The following TMEM242 variants were observed in gnomAD, a reference collection of about 807,000 sequenced individuals.
The protein encoded by TMEM242 is UPF0463 transmembrane protein C6orf35.
A neutral mutation model predicts 18.2 loss-of-function variants in TMEM242; 10 were observed. The ratio of observed to expected loss-of-function variants is 0.55; its 90% CI spans 0.34 to 0.93. The LOEUF (loss-of-function observed/expected upper bound fraction) is 0.93, where lower values mean the gene tolerates loss of function less well. TMEM242 is among the 40% of genes least tolerant of loss of function. TMEM242 has a pLI of 0.02. For synonymous variants in TMEM242, 57 were observed against 69.9 expected, an observed-to-expected ratio of 0.81 and a Z score of 0.92; for missense variants, 186 against 175.5, an observed-to-expected ratio of 1.06 and a Z score of -0.34.
At chr6:157,311,423 CAT>C (rs1778088228) in intron 3 of TMEM242, among the ~76,000 whole-genome samples, 1,890 of 79,384 alleles carry the variant, frequency 0.024, 4 homozygotes, top group Non-Finnish European at 0.029. Context: ...AGTGTGCACG[CAT>C]ACGGCCTCAT....
intron 3 of TMEM242, among the ~76,000 whole-genome samples, chr6:157,301,190 A>T (rs1554247513): frequency 2.0e-5 from 3 of 152,236 alleles, no homozygotes; most frequent in African/African-American, 7.2e-5. Context: ...TTTATTTAAA[A>T]GCAGTGTGCT....
At chr6:157,298,028 C>G (rs1554247267) in intron 3 of TMEM242, among the ~76,000 whole-genome samples, 1 of 152,166 alleles carries the variant, frequency 6.6e-6, no homozygotes, top group Non-Finnish European at 1.5e-5. Flanking sequence ...CTGAGAAATA[C>G]AATCCCTGAA....
chr6:157,299,356 T>C (rs1554247359), intron 3 of TMEM242: 1 of 1,015,914 alleles, frequency 9.8e-7, no homozygotes. Context: ...TATCAGTTCC[T>C]GTATCAGAGT....
At chr6:157,319,302 T>C (rs1355391076) in intron 2 of TMEM242, among the ~76,000 whole-genome samples, 1 of 152,248 alleles carries the variant, frequency 6.6e-6, no homozygotes, top group African/African-American at 2.4e-5. Flanking sequence ...TAAGTAAACT[T>C]TGCATGTGTG....
chr6:157,294,335 T>C (rs1777721794), intron 3 of TMEM242, among the ~76,000 whole-genome samples: 1 of 150,386 alleles, frequency 6.6e-6, no homozygotes, highest in Non-Finnish European at 1.5e-5. Flanking sequence ...ATATGCAACA[T>C]GCAAGTCATT....
intron 3 of TMEM242, among the ~76,000 whole-genome samples, chr6:157,315,034 G>A (rs1473732797): frequency 6.6e-6 from 1 of 152,180 alleles, no homozygotes; most frequent in African/African-American, 2.4e-5. Context: ...TATCTAGAAT[G>A]ATCATCTCAG....
chr6:157,299,671 A>G, intron 3 of TMEM242: 1 of 1,610,542 alleles, frequency 6.2e-7, no homozygotes, highest in Non-Finnish European at 8.5e-7. Context: ...AGATGGCCAC[A>G]TTTCGCTGGA....
intron 3 of TMEM242, among the ~76,000 whole-genome samples, chr6:157,317,664 A>G (rs927181489): frequency 6.6e-6 from 1 of 152,044 alleles, no homozygotes; most frequent in Non-Finnish European, 1.5e-5. Context: ...CTTGCTCTCC[A>G]TCTCACTATC....
At chr6:157,316,529 C>G (rs1207972110) in intron 3 of TMEM242, among the ~76,000 whole-genome samples, 1 of 152,116 alleles carries the variant, frequency 6.6e-6, no homozygotes, top group Non-Finnish European at 1.5e-5. Flanking sequence ...TCTTTTCAAG[C>G]AATCTCTAAT....
At chr6:157,297,290 C>T (rs187163377) in intron 3 of TMEM242, among the ~76,000 whole-genome samples, 1 of 152,286 alleles carries the variant, frequency 6.6e-6, no homozygotes, top group African/African-American at 2.4e-5. Flanking sequence ...GGGGACACTG[C>T]TGCACATTTA....
chr6:157,301,906 T>C (rs1198574270), intron 3 of TMEM242, among the ~76,000 whole-genome samples: 2 of 151,990 alleles, frequency 1.3e-5, no homozygotes, highest in Non-Finnish European at 2.9e-5. Flanking sequence ...CACTCCAGCC[T>C]GGGCGATAGA....
intron 3 of TMEM242, among the ~76,000 whole-genome samples, chr6:157,311,355 CACCT>C (rs1778077841): frequency 7.1e-6 from 1 of 140,490 alleles, no homozygotes; most frequent in African/African-American, 2.6e-5. Flanking sequence ...AGTGTGCGCT[CACCT>C]AGCCTCATCA....
chr6:157,301,244 A>G (rs587715108), intron 3 of TMEM242, among the ~76,000 whole-genome samples: 1 of 152,328 alleles, frequency 6.6e-6, no homozygotes, highest in Admixed American at 6.5e-5. Flanking sequence ...CCTCATGATC[A>G]GCAAAAAAAA....
At chr6:157,303,224 T>C (rs1175889886) in intron 3 of TMEM242, among the ~76,000 whole-genome samples, 4 of 152,112 alleles carry the variant, frequency 2.6e-5, no homozygotes, top group Non-Finnish European at 4.4e-5. Flanking sequence ...GTAAATGTAG[T>C]AGAAAAGAAT....
At position 157,323,453 on chromosome 6, in the gene TMEM242, T is replaced by C. The variant is rs1554250877; in HGVS notation, c.47A>G (p.Glu16Gly). 1 of 1,614,072 alleles carries C rather than the reference T, an allele frequency of 6.2e-7. No homozygotes were observed. The highest frequency in any genetic ancestry group is 1.1e-5 in the South Asian group (1 of 91,076). Reference sequence around the variant, plus strand: ...CCGGTCATTCGTGGACCCCGGAGCCTCCAGCCCAGAGGCCGGCTGCCCAGT... The same window carrying C: ...CCGGTCATTCGTGGACCCCGGAGCCCCCAGCCCAGAGGCCGGCTGCCCAGT... ...AATGQPASGLEAPGSTNDRLF... is the reference protein window; with the variant it reads ...AATGQPASGLGAPGSTNDRLF... Residue 16 changes from glutamate to glycine, a missense_variant, in exon 1 of 4, where the codon GAG becomes GGG. Coordinates refer to ENST00000400788, the MANE Select transcript of TMEM242 (RefSeq NM_018452.6).
chr6:157,302,376 A>G (rs1777842551), intron 3 of TMEM242, among the ~76,000 whole-genome samples: 1 of 152,190 alleles, frequency 6.6e-6, no homozygotes, highest in Admixed American at 6.5e-5. Context: ...TCATTTTCCA[A>G]GATAAGTGTT....
intron 3 of TMEM242, among the ~76,000 whole-genome samples, chr6:157,311,556 GCTCACCTAGC>G (rs1778101470): frequency 1.0e-4 from 1 of 10,040 alleles, no homozygotes; most frequent in Non-Finnish European, 1.8e-4. Flanking sequence ...CCCAGTGTGC[GCTCACCTAGC>G]CTCAACATAG....
chr6:157,297,044 G>A (rs1390490053), intron 3 of TMEM242, among the ~76,000 whole-genome samples: 2 of 152,222 alleles, frequency 1.3e-5, no homozygotes, highest in African/African-American at 4.8e-5. Context: ...CATATAGCCA[G>A]TAGGCCAGGA....
intron 3 of TMEM242, chr6:157,318,261 G>C (rs1554250515): frequency 6.5e-6 from 1 of 154,626 alleles, no homozygotes; most frequent in African/African-American, 2.4e-5. Flanking sequence ...TTGAGACAGG[G>C]TCTTACCCCG....
Sources: allele counts gnomAD v4.1 joint callset (sites outside exome capture counted in the v4.1 genomes callset), GRCh38; gene constraint gnomAD v4.1.1; transcripts MANE v1.5; gene names NCBI Gene and HGNC (gene_info 2026-07-23, HGNC 2026-07-21).